RAB8B: variants seen among roughly 807,000 people sequenced by gnomAD.
RAB8B encodes the protein RAB8B, member RAS oncogene family, also known as ras-related protein Rab-8B.
A neutral mutation model predicts 32.0 loss-of-function variants in RAB8B; 11 were observed. The observed-to-expected ratio is 0.34, with a 90% CI of 0.22 to 0.57. The LOEUF (loss-of-function observed/expected upper bound fraction) is 0.57. Ranked by LOEUF, RAB8B falls within the 20% of genes least tolerant of loss-of-function variation. The pLI is 0.86. For missense variants in RAB8B, 190 were observed against 258.5 expected, an observed-to-expected ratio of 0.73 and a Z score of 1.82; for synonymous variants, 103 against 89.6, an observed-to-expected ratio of 1.15 and a Z score of -0.85.
At chr15:63,258,260 C>T (rs1567021691) in intron 5 of RAB8B, among the ~76,000 whole-genome samples, 1 of 151,970 alleles carries the variant, frequency 6.6e-6, no homozygotes, top group South Asian at 2.1e-4. Context: ...TGCCACCACA[C>T]CAGGCTAATT....
chr15:63,257,829 G>A (rs193185385), intron 5 of RAB8B, among the ~76,000 whole-genome samples: 11 of 151,906 alleles, frequency 7.2e-5, no homozygotes, highest in African/African-American at 2.4e-4. Context: ...GGGAGGCCGA[G>A]GTGGGTGGAT....
In RAB8B at chr15:63,214,962, C is replaced by T. The variant is rs114689374; in HGVS notation, c.124+25214C>T. ...AGCTCTCTGTCCTCAGACCTTCCAC[C>T]TCATTCTTATGGAGTCAGGAGTTTG... On this transcript the variant is annotated intron_variant, in intron 1 of 7. Coordinates refer to ENST00000321437, the MANE Select transcript of RAB8B (RefSeq NM_016530.3). Among the ~76,000 whole-genome samples the T allele has an allele frequency of 7.1e-3, 1,085 of 152,242 alleles. 11 individuals carry two copies. The highest frequency in any genetic ancestry group is 0.024 in the African/African-American group (1,008 of 41,532).
chr15:63,241,159 A>G (rs553610777), intron 1 of RAB8B, among the ~76,000 whole-genome samples: 1 of 152,338 alleles, frequency 6.6e-6, no homozygotes, highest in East Asian at 1.9e-4. Flanking sequence ...CCTGGTCAAC[A>G]TGGTGAAACC....
In RAB8B at chr15:63,218,973, A is replaced by AAGCT. The variant is rs1380424751; in HGVS notation, c.125-25781_125-25778dup. On this transcript the variant is annotated intron_variant, in intron 1 of 7. Transcript: ENST00000321437. ...TTTTTCTCTCTCTCACTAAAAAGTG[A>AAGCT]AGCTAAAATGATCTTTTCTTCCAGC... 2.7e-5 allele frequency among the ~76,000 whole-genome samples: 4 copies of AAGCT among 147,962 alleles called. 1 individual carries two copies. The highest frequency in any genetic ancestry group is 2.0e-4 in the Admixed American group (3 of 14,780).
At chr15:63,237,927 G>A (rs2037996300) in intron 1 of RAB8B, among the ~76,000 whole-genome samples, 2 of 151,848 alleles carry the variant, frequency 1.3e-5, no homozygotes, top group South Asian at 4.1e-4. Flanking sequence ...AAGAGGTGGG[G>A]GTCTAGTTTC....
chr15:63,207,011 G>A (rs1172812421), intron 1 of RAB8B, among the ~76,000 whole-genome samples: 2 of 152,106 alleles, frequency 1.3e-5, no homozygotes, highest in Non-Finnish European at 2.9e-5. Context: ...TCCAGGAATT[G>A]TCTGCTCCAG....
chr15:63,261,360 A>T, intron 6 of RAB8B, among the ~76,000 whole-genome samples: 1 of 152,174 alleles, frequency 6.6e-6, no homozygotes. Flanking sequence ...GGAGAACAAT[A>T]AAAAAACTAA....
chr15:63,250,982 C>G (rs1269175094), intron 3 of RAB8B, among the ~76,000 whole-genome samples: 2 of 151,952 alleles, frequency 1.3e-5, no homozygotes, highest in Non-Finnish European at 2.9e-5. Flanking sequence ...CAGATCCCCT[C>G]ACTGACATGC....
At chr15:63,260,097 T>G (rs1209015617) in intron 6 of RAB8B, among the ~76,000 whole-genome samples, 1 of 152,212 alleles carries the variant, frequency 6.6e-6, no homozygotes, top group Non-Finnish European at 1.5e-5. Context: ...CCTCCCAAAG[T>G]GCTGGAATTA....
Position 63,259,737 on chromosome 15 carries a change from C to A in RAB8B, c.480+45C>A. On this transcript the variant is annotated intron_variant, in intron 6 of 7. Transcript: ENST00000321437. This position sits in a 1 kb window ranked among gnomAD's most constrained non-coding sequence, Gnocchi z 4.4. ...TGACTGTTACGGAGCAGCACCAGTG[C>A]TTAGGGGCCTGTGTTCAAACAGCTC... 6.6e-7 allele frequency: 1 copy of A among 1,523,112 alleles called. No homozygotes were observed. The highest frequency in any genetic ancestry group is 9.1e-7 in the Non-Finnish European group (1 of 1,099,392). The allele number at this position is 1,523,112 out of a possible 1,614,324, so 94.3% of individuals were successfully genotyped here. A position where few individuals can be genotyped will look rare whatever the true frequency, so the allele number is the denominator to read the frequency against.
chr15:63,199,172 A>G (rs1283425964), intron 1 of RAB8B, among the ~76,000 whole-genome samples: 2 of 152,086 alleles, frequency 1.3e-5, no homozygotes, highest in African/African-American at 4.8e-5. Flanking sequence ...GAGAGAGGGG[A>G]TTGGGTTGGG....
At chr15:63,210,061 A>G (rs2037734871) in intron 1 of RAB8B, among the ~76,000 whole-genome samples, 1 of 152,214 alleles carries the variant, frequency 6.6e-6, no homozygotes, top group South Asian at 2.1e-4. Context: ...TAAAGATAAA[A>G]TAATCTTAGA....
intron 5 of RAB8B, among the ~76,000 whole-genome samples, chr15:63,257,494 C>T (rs1473549611): frequency 2.6e-5 from 4 of 151,926 alleles, no homozygotes; most frequent in Non-Finnish European, 5.9e-5. Flanking sequence ...CTTGAACTCC[C>T]GGCCTCAAGC....
At chr15:63,231,468 AG>A (rs1330086213) in intron 1 of RAB8B, among the ~76,000 whole-genome samples, 1 of 148,196 alleles carries the variant, frequency 6.7e-6, no homozygotes, top group African/African-American at 2.5e-5. Flanking sequence ...ATAGCGCCTT[AG>A]TACCTAAAAT....
intron 1 of RAB8B, among the ~76,000 whole-genome samples, chr15:63,225,845 AT>A (rs1384762767): frequency 2.6e-5 from 4 of 151,066 alleles, no homozygotes. Context: ...TCTCTGTTTT[AT>A]TTTTTTCTTT....
At chr15:63,221,615 G>T (rs1474796048) in intron 1 of RAB8B, among the ~76,000 whole-genome samples, 1 of 152,124 alleles carries the variant, frequency 6.6e-6, no homozygotes, top group African/African-American at 2.4e-5. Flanking sequence ...GAAGCTATAA[G>T]ACAGTCCTGG....
rs1302742084 is a variant in RAB8B at position 63,265,126 on chromosome 15, G to T, written c.*1507G>T. The stretch of plus-strand genomic sequence containing the variant: ...ATTCTGTTAATAATTATTCTTCCTG[G>T]TATGCCTGTTTTGCTTCACAAAGGC... On this transcript the variant is annotated 3_prime_UTR_variant, in exon 8 of 8. Coordinates refer to ENST00000321437, the MANE Select transcript of RAB8B (RefSeq NM_016530.3). This position sits in a 1 kb window ranked among gnomAD's most constrained non-coding sequence, Gnocchi z 4.9. 6.6e-6 allele frequency: 1 copy of T among 152,552 alleles called. No homozygotes were observed. Among genetic ancestry groups the T allele is most frequent in the African/African-American group, 2.4e-5 (1 of 41,434 alleles). 9.4% of individuals were successfully genotyped at this position (152,552 alleles called of 1,614,324 possible).
In RAB8B at chr15:63,266,297, T is replaced by G. The variant is rs1042148128; in HGVS notation, c.*2678T>G. The G allele has an allele frequency of 3.9e-5, 6 of 152,592 alleles. No individual in the cohort carries two copies. The highest frequency in any genetic ancestry group is 1.4e-4 in the African/African-American group (6 of 41,440). The allele number at this position is 152,592 out of a possible 1,614,324, so 9.5% of individuals were successfully genotyped here. On this transcript the variant is annotated 3_prime_UTR_variant, in exon 8 of 8. Coordinates refer to ENST00000321437, the MANE Select transcript of RAB8B (RefSeq NM_016530.3). ...AATAGAGTCTGAGGGTATCAGACAG[T>G]GAAAATGTGCTGTAACTAAGTAGCA...
rs2038180113 is a variant in RAB8B, at chr15:63,259,013, C to T, written c.415-614C>T. Among the ~76,000 whole-genome samples the T allele has an allele frequency of 6.6e-6, 1 of 152,104 alleles. No individual in the cohort carries two copies. The highest frequency in any genetic ancestry group is 2.1e-4 in the South Asian group (1 of 4,812). ...GAATTGGCCTTAGGTTCCCTGCCTC[C>T]AGACCCTATTCTGCTACCTTAGGAG... On this transcript the variant is annotated intron_variant, in intron 5 of 7. Transcript: ENST00000321437. The surrounding 1 kb of genome is among the most constrained non-coding windows in gnomAD (Gnocchi z 4.4).
Sources: allele counts gnomAD v4.1 joint callset (sites outside exome capture counted in the v4.1 genomes callset), GRCh38; gene constraint gnomAD v4.1.1; non-coding constraint Gnocchi (gnomAD v3.1); transcripts MANE v1.5; gene names NCBI Gene and HGNC (gene_info 2026-07-23, HGNC 2026-07-21).